ALKBH8: variants seen among roughly 807,000 people sequenced by gnomAD.
ALKBH8 encodes alkB homolog 8, tRNA methyltransferase, also known as tRNA (carboxymethyluridine(34)-5-O)-methyltransferase ALKBH8.
ALKBH8 carries 36 observed loss-of-function variants against 59.8 expected under a neutral mutation model. The ratio of observed to expected loss-of-function variants is 0.60; its 90% CI spans 0.46 to 0.79. ALKBH8 has a LOEUF of 0.79. ALKBH8 is among the 30% of genes least tolerant of loss of function. The pLI is 0.00. For missense variants in ALKBH8, 768 were observed against 801.0 expected (o/e 0.96, Z 0.50); for synonymous variants, 276 against 273.6 (o/e 1.01, Z -0.09).
chr11:107,547,430 A>G (rs867116502), intron 7 of ALKBH8, among the ~76,000 whole-genome samples: 1 of 152,342 alleles, frequency 6.6e-6, no homozygotes, highest in Middle Eastern at 3.4e-3. Flanking sequence ...GAAGGCTTTA[A>G]GTAAGGAGCC....
chr11:107,526,153 A>G (rs1863344170), intron 8 of ALKBH8, among the ~76,000 whole-genome samples: 1 of 151,962 alleles, frequency 6.6e-6, no homozygotes, highest in African/African-American at 2.4e-5. Flanking sequence ...ACAGGTAATA[A>G]CGAGTGAAAT....
intron 10 of ALKBH8, among the ~76,000 whole-genome samples, chr11:107,511,288 T>C (rs1862612945): frequency 6.6e-6 from 1 of 152,016 alleles, no homozygotes; most frequent in Admixed American, 6.6e-5. Flanking sequence ...GGAATAAAAA[T>C]GATAGTGGTG....
At chr11:107,516,689 T>C (rs1034020617) in intron 10 of ALKBH8, among the ~76,000 whole-genome samples, 2 of 152,158 alleles carry the variant, frequency 1.3e-5, no homozygotes, top group Non-Finnish European at 2.9e-5. Flanking sequence ...AGAAAATATT[T>C]GCAAACTATA....
chr11:107,532,299 C>T lies in ALKBH8; in HGVS notation c.878+1G>A. 6.2e-7 allele frequency: 1 copy of T among 1,610,854 alleles called. No individual in the cohort carries two copies. Among genetic ancestry groups the T allele is most frequent in the Non-Finnish European group, 8.5e-7 (1 of 1,177,870 alleles). On this transcript the variant is annotated splice_donor_variant, in intron 8 of 11. Coordinates refer to ENST00000428149, the MANE Select transcript of ALKBH8 (RefSeq NM_138775.3). LOFTEE classifies it high-confidence loss of function. ...GAATCCTGTCATATTTCAATACATACCCATGGGTCCAAAGGTATCTAGATT... is the reference window on the plus strand; with the variant it reads ...GAATCCTGTCATATTTCAATACATATCCATGGGTCCAAAGGTATCTAGATT...
At position 107,505,154 on chromosome 11, in the gene ALKBH8, A is replaced by C; in HGVS notation, c.1499T>G (p.Leu500Arg). 6.4e-7 allele frequency: 1 copy of C among 1,551,246 alleles called. No individual in the cohort carries two copies. The highest frequency in any genetic ancestry group is 8.7e-7 in the Non-Finnish European group (1 of 1,146,868). The change falls in exon 12 of 12, where the codon CTC becomes CGC. Residue 500 changes from leucine (L) to arginine (R), a missense_variant. By Grantham distance (102) the Leu-to-Arg change is moderately radical. Coordinates refer to ENST00000428149, the MANE Select transcript of ALKBH8 (RefSeq NM_138775.3). ...TTGTTCCATTGCCCAGACATAAATG[A>C]GTGCCTTCCCACCTGGTCTCAGGAG... ...VRLLRPGGKA[L>R]IYVWAMEQEY...
intron 10 of ALKBH8, 73 bp downstream of exon 10, chr11:107,522,226 T>C (rs1863141781): frequency 5.4e-6 from 8 of 1,486,286 alleles, no homozygotes; most frequent in Non-Finnish European, 7.2e-6. Context: ...AACAGGATTA[T>C]ATCATGAGGA....
intron 2 of ALKBH8, among the ~76,000 whole-genome samples, chr11:107,558,734 A>C (rs747167100): frequency 1.3e-5 from 2 of 152,238 alleles, no homozygotes; most frequent in African/African-American, 4.8e-5. Context: ...TTAATGCAAT[A>C]ATTAAATGGA....
intron 7 of ALKBH8, among the ~76,000 whole-genome samples, chr11:107,539,856 C>A (rs1863967241): frequency 6.6e-6 from 1 of 152,156 alleles, no homozygotes; most frequent in African/African-American, 2.4e-5. Context: ...CAGGACCTCC[C>A]ATTTGAAAGT....
In ALKBH8 at chr11:107,560,913, A is replaced by AG. The variant is rs1261886364; in HGVS notation, c.-6-15dup. On this transcript the variant is annotated splice_polypyrimidine_tract_variant and intron_variant, in intron 1 of 11. Transcript: ENST00000428149. ...GTCCATAGCAAACTGTAAAAAAACA[A>AG]GACAGTAAAAAAGTCAACCTTAAGA... The AG allele has an allele frequency of 1.9e-6, 3 of 1,599,672 alleles. No homozygotes were observed. Among genetic ancestry groups the AG allele is most frequent in the African/African-American group, 2.7e-5 (2 of 74,022 alleles).
chr11:107,505,302 G>C lies in ALKBH8; in HGVS notation c.1438-87C>G, dbSNP rs548119655. 13 of 979,198 alleles carry C rather than the reference G, an allele frequency of 1.3e-5. No homozygotes were observed. The African/African-American group carries it at 1.8e-4, about 14-fold the overall frequency. 60.7% of individuals were successfully genotyped at this position (979,198 alleles called of 1,614,324 possible). A position where few individuals can be genotyped will look rare whatever the true frequency, so the allele number is the denominator to read the frequency against. ...CTGACCATAGGACTGTTTTCAATTAGGATGAACAATAAGAATATCTAACAA... is the reference window on the plus strand; with the variant it reads ...CTGACCATAGGACTGTTTTCAATTACGATGAACAATAAGAATATCTAACAA... On this transcript the variant is annotated intron_variant, in intron 11 of 11. Coordinates refer to ENST00000428149, the MANE Select transcript of ALKBH8 (RefSeq NM_138775.3).
At chr11:107,517,926 C>T (rs1414914318) in intron 10 of ALKBH8, among the ~76,000 whole-genome samples, 4 of 152,140 alleles carry the variant, frequency 2.6e-5, no homozygotes, top group African/African-American at 9.7e-5. Context: ...CCCCACAAAA[C>T]GGTAACTTTG....
At chr11:107,529,797 CG>C (rs1863509430) in intron 8 of ALKBH8, among the ~76,000 whole-genome samples, 1 of 152,100 alleles carries the variant, frequency 6.6e-6, no homozygotes, top group African/African-American at 2.4e-5. Context: ...CCACCGCACC[CG>C]GCCCTGTCTC....
intron 10 of ALKBH8, among the ~76,000 whole-genome samples, chr11:107,518,914 T>G (rs1862988921): frequency 6.6e-6 from 1 of 152,172 alleles, no homozygotes; most frequent in Non-Finnish European, 1.5e-5. Context: ...ACCACTAGGT[T>G]AGGGTCTCTC....
At chr11:107,556,493 G>A (rs1461717168) in intron 3 of ALKBH8, among the ~76,000 whole-genome samples, 1 of 152,120 alleles carries the variant, frequency 6.6e-6, no homozygotes, top group Non-Finnish European at 1.5e-5. Context: ...TTAGGCAGGA[G>A]GGTTCCAAAA....
At chr11:107,552,357 C>G (rs191493561) in intron 5 of ALKBH8, among the ~76,000 whole-genome samples, 1,535 of 149,616 alleles carry the variant, frequency 0.01, 23 homozygotes, top group African/African-American at 0.036. Flanking sequence ...GAAGAAAAGC[C>G]TTAAGTGAGA....
intron 2 of ALKBH8, among the ~76,000 whole-genome samples, chr11:107,560,087 C>T (rs1004619387): frequency 2.0e-4 from 30 of 152,076 alleles, no homozygotes; most frequent in African/African-American, 7.2e-4. Context: ...CAATACTATG[C>T]CCTGCTTAAA....
rs140058264 is a variant in ALKBH8, at chr11:107,519,173, T to C, written c.1287+3126A>G. ...CAGGCTAGAGTGCAATGGTGGGATC[T>C]TGGCTCACTGCAACCTCCGCCTCCC... On this transcript the variant is annotated intron_variant, in intron 10 of 11. Coordinates refer to ENST00000428149, the MANE Select transcript of ALKBH8 (RefSeq NM_138775.3). Among the ~76,000 whole-genome samples, 230 of 152,274 alleles carry C rather than the reference T, an allele frequency of 1.5e-3. 1 individual carries two copies. Among genetic ancestry groups the C allele is most frequent in the Middle Eastern group, 6.8e-3 (2 of 294 alleles).
At position 107,529,565 on chromosome 11, in the gene ALKBH8, C is replaced by T. The variant is rs567978308; in HGVS notation, c.878+2735G>A. Among the ~76,000 whole-genome samples the T allele has an allele frequency of 1.9e-4, 29 of 151,754 alleles. No homozygotes were observed. The East Asian group carries it at 2.3e-3, about 12-fold the overall frequency. On this transcript the variant is annotated intron_variant, in intron 8 of 11. Coordinates refer to ENST00000428149, the MANE Select transcript of ALKBH8 (RefSeq NM_138775.3). ...TGTCACCCAGGCTGGAGTGCAGTGACGCGATCTTGGCTCACTGCAACCTCC... is the reference window on the plus strand; with the variant it reads ...TGTCACCCAGGCTGGAGTGCAGTGATGCGATCTTGGCTCACTGCAACCTCC...
chr11:107,549,357 G>A (rs995457405), intron 7 of ALKBH8, among the ~76,000 whole-genome samples: 15 of 152,024 alleles, frequency 9.9e-5, no homozygotes, highest in Non-Finnish European at 1.8e-4. Flanking sequence ...GGTAACATAC[G>A]GAAAAAGTTC....
Sources: gnomAD v4.1 joint callset for allele counts (sites outside exome capture counted in the v4.1 genomes callset) on GRCh38, gnomAD v4.1.1 for gene constraint, MANE v1.5 for transcripts, NCBI Gene and HGNC (gene_info 2026-07-23, HGNC 2026-07-21) for gene names.